The following SUFU variants were observed in gnomAD, a reference collection of about 807,000 sequenced individuals.
SUFU encodes the protein SUFU negative regulator of hedgehog signaling, also known as suppressor of fused homolog.
Under a neutral mutation model 58.9 loss-of-function variants are expected in SUFU, and 7 were observed. That is an observed-to-expected ratio of 0.12 (90% confidence interval 0.07 to 0.22). The LOEUF is 0.22. Ranked by LOEUF, SUFU falls within the 10% of genes least tolerant of loss-of-function variation. The pLI is 1.00. For missense variants in SUFU, 451 were observed against 641.3 expected (o/e 0.70, Z 3.20); for synonymous variants, 232 against 254.8 (o/e 0.91, Z 0.85).
At chr10:102,571,448 T>C (rs2063159450) in intron 3 of SUFU, among the ~76,000 whole-genome samples, 2 of 152,292 alleles carry the variant, frequency 1.3e-5, no homozygotes, top group South Asian at 4.1e-4. Context: ...GTGGATCACT[T>C]GAGGCCAGGA....
rs2063829869 is a variant in SUFU, at chr10:102,630,634, A to G, written c.*479A>G. On this transcript the variant is annotated 3_prime_UTR_variant, in exon 12 of 12. Transcript: ENST00000369902. ...TGGCCGCGGAACAATTCCTCTGATC[A>G]TGTTTGGTTTTCTTCTTCCTTATTT... 6.7e-6 allele frequency: 2 copies of G among 299,372 alleles called. No individual in the cohort carries two copies. Among genetic ancestry groups the G allele is most frequent in the East Asian group, 9.6e-5 (2 of 20,862 alleles). 18.5% of individuals were successfully genotyped at this position (299,372 alleles called of 1,614,324 possible).
intron 3 of SUFU, among the ~76,000 whole-genome samples, chr10:102,556,259 A>G (rs866067390): frequency 1.3e-5 from 2 of 152,310 alleles, no homozygotes; most frequent in Middle Eastern, 6.8e-3. Context: ...GATGGCTTCT[A>G]TAACAGCCCT....
intron 7 of SUFU, among the ~76,000 whole-genome samples, 166 bp downstream of exon 7, chr10:102,597,459 A>G (rs1380449469): frequency 4.6e-5 from 7 of 152,262 alleles, no homozygotes; most frequent in Admixed American, 4.6e-4. Context: ...GGCGGAATTA[A>G]GGGAGCTTTA....
intron 3 of SUFU, among the ~76,000 whole-genome samples, chr10:102,551,184 C>T (rs1000556301): frequency 6.6e-6 from 1 of 152,228 alleles, no homozygotes; most frequent in Non-Finnish European, 1.5e-5. Context: ...TACCACCTAC[C>T]ATTGTATGCC....
intron 2 of SUFU, among the ~76,000 whole-genome samples, chr10:102,523,925 C>T (rs1388549841): frequency 2.0e-5 from 3 of 152,242 alleles, no homozygotes; most frequent in Non-Finnish European, 4.4e-5. Flanking sequence ...TCTTCCTATT[C>T]TGCCCCCCTT....
At chr10:102,558,460 T>G (rs2063003553) in intron 3 of SUFU, among the ~76,000 whole-genome samples, 1 of 152,310 alleles carries the variant, frequency 6.6e-6, no homozygotes, top group East Asian at 1.9e-4. Flanking sequence ...CTCTACCCAC[T>G]TTGGCCACCC....
chr10:102,538,625 A>T (rs190821703), intron 2 of SUFU, among the ~76,000 whole-genome samples: 1 of 152,034 alleles, frequency 6.6e-6, no homozygotes, highest in Non-Finnish European at 1.5e-5. Context: ...TACCACACGC[A>T]TGCATGCACA....
chr10:102,616,975 C>G (rs779509742), intron 9 of SUFU, among the ~76,000 whole-genome samples: 3 of 152,252 alleles, frequency 2.0e-5, no homozygotes, highest in Non-Finnish European at 2.9e-5. Context: ...TACCTTCCCT[C>G]TCTGCCCTCA....
At chr10:102,607,326 G>A (rs1382393624) in intron 8 of SUFU, among the ~76,000 whole-genome samples, 1 of 152,134 alleles carries the variant, frequency 6.6e-6, no homozygotes, top group African/African-American at 2.4e-5. Flanking sequence ...TGGGATTACG[G>A]GCATGAGCCG....
chr10:102,540,496 C>A (rs1187084421), intron 2 of SUFU, among the ~76,000 whole-genome samples: 2 of 151,070 alleles, frequency 1.3e-5, no homozygotes, highest in Non-Finnish European at 2.9e-5. Context: ...ACCAAAAATA[C>A]AAAAATTAGC....
At chr10:102,555,127 A>G (rs1047293463) in intron 3 of SUFU, among the ~76,000 whole-genome samples, 11 of 151,886 alleles carry the variant, frequency 7.2e-5, no homozygotes, top group African/African-American at 2.7e-4. Flanking sequence ...AATTAGCCGG[A>G]CGTGGTGGTG....
chr10:102,563,097 CTGCTCTGCG>C (rs2063054957), intron 3 of SUFU, among the ~76,000 whole-genome samples: 1 of 152,164 alleles, frequency 6.6e-6, no homozygotes, highest in African/African-American at 2.4e-5. Flanking sequence ...TCTAACCAGC[CTGCTCTGCG>C]TGCTCCAGCC....
At chr10:102,590,069 ATAAC>A (rs2063379436) in intron 3 of SUFU, among the ~76,000 whole-genome samples, 1 of 148,826 alleles carries the variant, frequency 6.7e-6, no homozygotes, top group Non-Finnish European at 1.5e-5. Flanking sequence ...TTTCTTGTGT[ATAAC>A]TAACCTTGCA....
At chr10:102,542,446 T>TATATA (rs1564673286) in intron 2 of SUFU, among the ~76,000 whole-genome samples, 4 of 138,892 alleles carry the variant, frequency 2.9e-5, no homozygotes, top group Non-Finnish European at 6.2e-5. Flanking sequence ...ATATATATAT[T>TATATA]TTTTTTTAAG....
At chr10:102,622,847 T>G (rs2063751876) in intron 10 of SUFU, among the ~76,000 whole-genome samples, 2 of 149,638 alleles carry the variant, frequency 1.3e-5, no homozygotes, top group African/African-American at 4.9e-5. Flanking sequence ...AAAAATTAGC[T>G]GGGCATGGTG....
chr10:102,530,882 T>C (rs1465300828), intron 2 of SUFU, among the ~76,000 whole-genome samples: 1 of 152,080 alleles, frequency 6.6e-6, no homozygotes, highest in Non-Finnish European at 1.5e-5. Flanking sequence ...AGTGGTCAAA[T>C]AGAGGACTAT....
At chr10:102,561,640 C>A (rs932106078) in intron 3 of SUFU, among the ~76,000 whole-genome samples, 1 of 146,006 alleles carries the variant, frequency 6.8e-6, no homozygotes, top group East Asian at 2.0e-4. Context: ...ATGTGGCATG[C>A]ATTTAGGGTT....
At chr10:102,508,967 G>C (rs1315662532) in intron 1 of SUFU, among the ~76,000 whole-genome samples, 1 of 152,202 alleles carries the variant, frequency 6.6e-6, no homozygotes, top group Admixed American at 6.5e-5. Context: ...TAGGAGAAGG[G>C]AGCCTCTTGG....
At chr10:102,568,406 A>G (rs1011381974) in intron 3 of SUFU, among the ~76,000 whole-genome samples, 4 of 152,248 alleles carry the variant, frequency 2.6e-5, no homozygotes, top group African/African-American at 9.6e-5. Flanking sequence ...TAACTTAAAT[A>G]AATATATGTT....
Sources: gnomAD v4.1 joint callset for allele counts (sites outside exome capture counted in the v4.1 genomes callset) on GRCh38, gnomAD v4.1.1 for gene constraint, MANE v1.5 for transcripts, NCBI Gene and HGNC (gene_info 2026-07-23, HGNC 2026-07-21) for gene names.